Variants in PCSK6 observed in about 807,000 individuals in gnomAD.
The protein encoded by PCSK6 is proprotein convertase subtilisin/kexin type 6, also known as paired basic amino acid cleaving enzyme 4.
In PCSK6, 85 loss-of-function variants were observed where a neutral mutation model predicts 123.3. The observed-to-expected ratio is 0.69, with a 90% CI of 0.58 to 0.83. The LOEUF is 0.83. Among genes scored for constraint, PCSK6 ranks in the 40% least tolerant of loss-of-function variants. The probability of loss-of-function intolerance (pLI) is 0.00; values close to 1 mark genes in which losing one functional copy is unlikely to be tolerated. For synonymous variants in PCSK6, 508 were observed against 516.0 expected (o/e 0.98, Z 0.21); for missense variants, 1,191 against 1,282.3 (o/e 0.93, Z 1.09).
chr15:101,359,103 T>C (rs1596228659), intron 13 of PCSK6, among the ~76,000 whole-genome samples: 1 of 152,176 alleles, frequency 6.6e-6, no homozygotes, highest in Admixed American at 6.5e-5. Flanking sequence ...GACGCATGCC[T>C]GTACTTGCTG....
At chr15:101,385,624 G>C (rs191962719) in intron 9 of PCSK6, among the ~76,000 whole-genome samples, 2 of 152,286 alleles carry the variant, frequency 1.3e-5, no homozygotes, top group Admixed American at 6.5e-5. Flanking sequence ...ATGAAATATA[G>C]TATTTTTCAT....
chr15:101,313,665 C>T, intron 19 of PCSK6, 160 bp from the exon 20 acceptor site: 1 of 1,032,336 alleles, frequency 9.7e-7, no homozygotes, highest in South Asian at 1.7e-5. Context: ...GGGCCGTCCT[C>T]ACCCACTCCC....
Position 101,407,318 on chromosome 15 carries a change from G to A in PCSK6, c.824-8742C>T, listed in dbSNP as rs186890666. Among the ~76,000 whole-genome samples the A allele has an allele frequency of 2.2e-3, 342 of 152,316 alleles. 1 individual carries two copies. The highest frequency in any genetic ancestry group is 7.7e-3 in the African/African-American group (321 of 41,562). On this transcript the variant is annotated intron_variant, in intron 6 of 21. Transcript: ENST00000611716. The stretch of plus-strand genomic sequence containing the variant: ...GTTGAGGCCCTGGCCCTGGTACTGC[G>A]TCTGGGATAACTTTGGTATCATCCA...
chr15:101,411,156 G>T (rs967705798), intron 6 of PCSK6, among the ~76,000 whole-genome samples: 2 of 152,246 alleles, frequency 1.3e-5, no homozygotes, highest in Non-Finnish European at 2.9e-5. Context: ...GCATCAGGTA[G>T]CAGCAGGAGG....
chr15:101,390,254 C>T (rs944770897), intron 8 of PCSK6, among the ~76,000 whole-genome samples: 1 of 152,414 alleles, frequency 6.6e-6, no homozygotes, highest in East Asian at 1.9e-4. Flanking sequence ...CTGGACCTCA[C>T]TACCACTCAG....
At chr15:101,448,838 T>C (rs1375347467) in intron 1 of PCSK6, among the ~76,000 whole-genome samples, 1 of 152,250 alleles carries the variant, frequency 6.6e-6, no homozygotes, top group Non-Finnish European at 1.5e-5. Context: ...AGAGAACCAG[T>C]ACCCTCAGCA....
intron 6 of PCSK6, among the ~76,000 whole-genome samples, chr15:101,416,990 G>C (rs920866339): frequency 6.6e-6 from 1 of 152,212 alleles, no homozygotes; most frequent in African/African-American, 2.4e-5. Context: ...AGTCCCTACT[G>C]GGGTACTGCC....
At chr15:101,361,260 ATC>A (rs2041214797) in intron 13 of PCSK6, among the ~76,000 whole-genome samples, 1 of 147,016 alleles carries the variant, frequency 6.8e-6, no homozygotes, top group Non-Finnish European at 1.5e-5. Flanking sequence ...AATCTTGATT[ATC>A]TCTCTATTAT....
At chr15:101,421,797 T>C (rs559308733) in intron 6 of PCSK6, among the ~76,000 whole-genome samples, 69 of 152,354 alleles carry the variant, frequency 4.5e-4, no homozygotes, top group African/African-American at 1.6e-3. Context: ...CAAGTGTTTG[T>C]TGTTTTAAGC....
chr15:101,481,326 G>A lies in PCSK6; in HGVS notation c.297+8048C>T, dbSNP rs184683236. On this transcript the variant is annotated intron_variant, in intron 1 of 21. Coordinates refer to ENST00000611716, the MANE Select transcript of PCSK6 (RefSeq NM_002570.5). ...AAGGCTGAGGGGCGAATCTGGTGAC[G>A]GGTGGGAAGGCTGAGGGGCGAACCT... Among the ~76,000 whole-genome samples the A allele has an allele frequency of 9.5e-4, 118 of 124,434 alleles. 1 individual carries two copies. In the South Asian group the frequency reaches 0.013, roughly 14 times the overall value. The allele number at this position is 124,434 out of a possible 152,430, so 81.6% of individuals were successfully genotyped here.
At chr15:101,384,237 G>A in intron 10 of PCSK6, 85 bp downstream of exon 10, 1 of 1,561,268 alleles carries the variant, frequency 6.4e-7, no homozygotes. Context: ...AATGCTATTT[G>A]GAGAGTCCTT....
chr15:101,480,558 A>C (rs1165770184), intron 1 of PCSK6, among the ~76,000 whole-genome samples: 4 of 152,222 alleles, frequency 2.6e-5, no homozygotes, highest in African/African-American at 9.7e-5. Flanking sequence ...TCCTTGCAGG[A>C]CTAGACAGGG....
intron 7 of PCSK6, among the ~76,000 whole-genome samples, chr15:101,395,054 C>G (rs992038709): frequency 6.6e-6 from 1 of 152,214 alleles, no homozygotes; most frequent in African/African-American, 2.4e-5. Context: ...TTTAAAGCAA[C>G]TACAATGCAA....
chr15:101,347,871 A>C lies in PCSK6; in HGVS notation c.1859-15840T>G. On this transcript the variant is annotated intron_variant, in intron 13 of 21. Coordinates refer to ENST00000611716, the MANE Select transcript of PCSK6 (RefSeq NM_002570.5). ...ACAGGAGTGGAGGGCAGCAGGAGGAAGCGCCCGGGGTTGACAAATGGAAGG... is the reference window on the plus strand; with the variant it reads ...ACAGGAGTGGAGGGCAGCAGGAGGACGCGCCCGGGGTTGACAAATGGAAGG... 1.0e-5 allele frequency: 10 copies of C among 972,768 alleles called. No homozygotes were observed. In the South Asian group the frequency reaches 1.2e-4, roughly 11 times the overall value. 60.3% of individuals were successfully genotyped at this position (972,768 alleles called of 1,614,324 possible). A position where few individuals can be genotyped will look rare whatever the true frequency, so the allele number is the denominator to read the frequency against.
At chr15:101,481,500 C>A (rs941696992) in intron 1 of PCSK6, among the ~76,000 whole-genome samples, 2 of 151,882 alleles carry the variant, frequency 1.3e-5, no homozygotes, top group African/African-American at 4.8e-5. Context: ...GGGGGATGGG[C>A]AGAGCTGCAG....
rs2039690641 is a variant in PCSK6 at position 101,305,087 on chromosome 15, C to T, written c.*171G>A. The stretch of plus-strand genomic sequence containing the variant: ...GATATCACCATTTTAGGAACACCTC[C>T]TTAAGAGCCACCACCCACCTGGCTT... On this transcript the variant is annotated 3_prime_UTR_variant, in exon 22 of 22. Transcript: ENST00000611716. This position sits in a 1 kb window ranked among gnomAD's most constrained non-coding sequence, Gnocchi z 4.8. 2 of 603,358 alleles carry T rather than the reference C, an allele frequency of 3.3e-6. No homozygotes were observed. Among genetic ancestry groups the T allele is most frequent in the Non-Finnish European group, 5.9e-6 (2 of 338,526 alleles). 37.4% of individuals were successfully genotyped at this position (603,358 alleles called of 1,614,324 possible).
Position 101,478,598 on chromosome 15 carries a change from C to T in PCSK6, c.297+10776G>A, listed in dbSNP as rs146705702. Among the ~76,000 whole-genome samples, 7 of 152,326 alleles carry T rather than the reference C, an allele frequency of 4.6e-5. No homozygotes were observed. In the East Asian group the frequency reaches 1.4e-3, roughly 29 times the overall value. On this transcript the variant is annotated intron_variant, in intron 1 of 21. Transcript: ENST00000611716. ...CTTCTGCCCACCAAGGAGCAAGATG[C>T]TCGTTCTGAGCTTCAGAGAACACCA...
intron 13 of PCSK6, among the ~76,000 whole-genome samples, chr15:101,339,859 C>T (rs560425322): frequency 5.7e-4 from 87 of 151,860 alleles, no homozygotes; most frequent in African/African-American, 2.0e-3. Context: ...TGCAGTGAGC[C>T]GTGATTGCAC....
At chr15:101,445,841 G>C (rs2056875192) in intron 1 of PCSK6, among the ~76,000 whole-genome samples, 1 of 152,238 alleles carries the variant, frequency 6.6e-6, no homozygotes, top group Non-Finnish European at 1.5e-5. Context: ...ACCCTTAGCA[G>C]GCTCATGACA....
Sources: gnomAD v4.1 joint callset for allele counts (sites outside exome capture counted in the v4.1 genomes callset) on GRCh38, gnomAD v4.1.1 for gene constraint, Gnocchi (gnomAD v3.1) non-coding constraint, MANE v1.5 for transcripts, NCBI Gene and HGNC (gene_info 2026-07-23, HGNC 2026-07-21) for gene names.